The following WDPCP variants were observed in gnomAD, a reference collection of about 807,000 sequenced individuals.
WDPCP encodes WD repeat-containing and planar cell polarity effector protein fritz homolog.
Under a neutral mutation model 93.1 loss-of-function variants are expected in WDPCP, and 71 were observed. The observed-to-expected ratio is 0.76, with a 90% CI of 0.63 to 0.93. WDPCP has a LOEUF of 0.93. Among genes scored for constraint, WDPCP ranks in the 40% least tolerant of loss-of-function variants. The probability of loss-of-function intolerance (pLI) is 0.00; values close to 1 mark genes in which losing one functional copy is unlikely to be tolerated. For synonymous variants in WDPCP, 315 were observed against 315.0 expected, an observed-to-expected ratio of 1.00 and a Z score of 0.00; for missense variants, 844 against 887.4, an observed-to-expected ratio of 0.95 and a Z score of 0.62.
At chr2:63,149,774 AAG>A (rs1671769541) in intron 17 of WDPCP, among the ~76,000 whole-genome samples, 1 of 152,198 alleles carries the variant, frequency 6.6e-6, no homozygotes, top group African/African-American at 2.4e-5. Flanking sequence ...GTTCAGAAAG[AAG>A]TAAAACTAAA....
At chr2:63,607,000 GT>G (rs774044437) in intron 3 of WDPCP, 138 of 1,604,340 alleles carry the variant, frequency 8.6e-5, no homozygotes, top group Middle Eastern at 8.3e-4. Flanking sequence ...AGACAATGAT[GT>G]TACTAAATGC....
chr2:63,331,844 C>T (rs962213964), intron 12 of WDPCP, among the ~76,000 whole-genome samples: 1 of 151,896 alleles, frequency 6.6e-6, no homozygotes, highest in African/African-American at 2.4e-5. Flanking sequence ...TGGAATAGTG[C>T]AGAATGTATT....
At chr2:63,554,055 G>C (rs1705886141) in intron 1 of WDPCP, among the ~76,000 whole-genome samples, 1 of 152,260 alleles carries the variant, frequency 6.6e-6, no homozygotes, top group Admixed American at 6.5e-5. Context: ...CCAAATGCCA[G>C]TTTCACCCAT....
At chr2:63,736,809 A>C (rs758117372) in intron 2 of WDPCP, among the ~76,000 whole-genome samples, 1 of 152,216 alleles carries the variant, frequency 6.6e-6, no homozygotes, top group Non-Finnish European at 1.5e-5. Context: ...CCCAAAACCT[A>C]TAATAATTTT....
At chr2:63,456,737 C>A (rs1372736899) in intron 6 of WDPCP, among the ~76,000 whole-genome samples, 1 of 152,030 alleles carries the variant, frequency 6.6e-6, no homozygotes, top group Non-Finnish European at 1.5e-5. Context: ...GTTCTTCAGG[C>A]CAGGCACGGT....
At chr2:63,424,960 G>A (rs1033001932) in intron 9 of WDPCP, among the ~76,000 whole-genome samples, 6 of 152,174 alleles carry the variant, frequency 3.9e-5, no homozygotes, top group African/African-American at 1.4e-4. Flanking sequence ...CGAATGTGCT[G>A]AAATACAAGA....
chr2:63,839,374 A>G, the WDPCP span, among the ~76,000 whole-genome samples: 2 of 152,176 alleles, frequency 1.3e-5, no homozygotes, highest in Non-Finnish European at 2.9e-5. Flanking sequence ...CCTGGCCAAC[A>G]TGGCGAAACC....
intron 13 of WDPCP, among the ~76,000 whole-genome samples, chr2:63,290,417 T>C (rs1684321769): frequency 6.6e-6 from 1 of 152,054 alleles, no homozygotes; most frequent in South Asian, 2.1e-4. Context: ...TATCACAATG[T>C]ATTGTTATTA....
At chr2:63,516,375 T>G (rs536762937) in intron 1 of WDPCP, among the ~76,000 whole-genome samples, 1 of 152,324 alleles carries the variant, frequency 6.6e-6, no homozygotes, top group East Asian at 1.9e-4. Flanking sequence ...GTCACTCTAC[T>G]GATTTATTAA....
intron 1 of WDPCP, among the ~76,000 whole-genome samples, chr2:63,582,407 A>C (rs937618010): frequency 1.3e-5 from 2 of 152,224 alleles, no homozygotes; most frequent in African/African-American, 4.8e-5. Context: ...ACAGAGCATC[A>C]ATGAGCCATG....
At chr2:63,745,669 CTT>C (rs898527047) in intron 2 of WDPCP, among the ~76,000 whole-genome samples, 8 of 145,598 alleles carry the variant, frequency 5.5e-5, no homozygotes, top group African/African-American at 2.0e-4. Context: ...CACACACACA[CTT>C]GTACTCCATC....
At chr2:63,655,756 G>A (rs1710160279) in intron 2 of WDPCP, among the ~76,000 whole-genome samples, 1 of 152,072 alleles carries the variant, frequency 6.6e-6, no homozygotes, top group African/African-American at 2.4e-5. Context: ...TATATATGCT[G>A]TTCTAAACCT....
chr2:63,599,116 A>AT (rs1209965979), intron 3 of WDPCP: 7 of 1,551,944 alleles, frequency 4.5e-6, no homozygotes, highest in Non-Finnish European at 6.1e-6. Flanking sequence ...TTTAACATAG[A>AT]TTAGTTAGTA....
At chr2:63,403,359 C>T (rs1236721731) in intron 10 of WDPCP, among the ~76,000 whole-genome samples, 5 of 152,050 alleles carry the variant, frequency 3.3e-5, no homozygotes, top group South Asian at 4.2e-4. Context: ...ATAATATGTA[C>T]AGCAAACCCC....
In WDPCP at chr2:63,146,567, T is replaced by C. The variant is rs139240181; in HGVS notation, c.2190+6347A>G. On this transcript the variant is annotated intron_variant, in intron 17 of 17. Transcript: ENST00000272321. The stretch of plus-strand genomic sequence containing the variant: ...CTAATTTTTGTATTTTTAGTAGAGA[T>C]GGGGTTTCCATGTTGGCCAGGATGG... Among the ~76,000 whole-genome samples, 275 of 152,222 alleles carry C rather than the reference T, an allele frequency of 1.8e-3. 2 individuals carry two copies. The highest frequency in any genetic ancestry group is 6.2e-3 in the African/African-American group (258 of 41,542).
At chr2:63,654,688 T>C (rs958218495) in intron 2 of WDPCP, among the ~76,000 whole-genome samples, 1 of 152,216 alleles carries the variant, frequency 6.6e-6, no homozygotes, top group African/African-American at 2.4e-5. Context: ...GAGGCCCTTA[T>C]ATAAAATGGT....
chr2:63,818,751 AAACT>A (rs1670974781), intron 1 of WDPCP, among the ~76,000 whole-genome samples: 3 of 152,216 alleles, frequency 2.0e-5, no homozygotes, highest in African/African-American at 7.2e-5. Flanking sequence ...AAAACCCACC[AAACT>A]ATGTTGCTTG....
At chr2:63,438,089 A>C (rs1359613412) in intron 7 of WDPCP, 2 of 1,015,726 alleles carry the variant, frequency 2.0e-6, no homozygotes, top group Non-Finnish European at 2.5e-6. Flanking sequence ...TACATAAATT[A>C]ATATCTAATA....
At chr2:63,185,361 T>A (rs1369905576) in intron 14 of WDPCP, among the ~76,000 whole-genome samples, 1 of 152,170 alleles carries the variant, frequency 6.6e-6, no homozygotes, top group Non-Finnish European at 1.5e-5. Flanking sequence ...CACTTCTTAT[T>A]ATTGAATTTA....
Sources: allele counts gnomAD v4.1 joint callset (sites outside exome capture counted in the v4.1 genomes callset), GRCh38; gene constraint gnomAD v4.1.1; transcripts MANE v1.5; gene names NCBI Gene and HGNC (gene_info 2026-07-23, HGNC 2026-07-21).